Variants in ZHX2 observed in about 807,000 individuals in gnomAD.
ZHX2 encodes zinc fingers and homeoboxes 2.
In ZHX2, 6 loss-of-function variants were observed where a neutral mutation model predicts 21.9. The ratio of observed to expected loss-of-function variants is 0.27; its 90% CI spans 0.15 to 0.54. ZHX2 has a LOEUF of 0.54. Among genes scored for constraint, ZHX2 ranks in the 20% least tolerant of loss-of-function variants. The pLI, the probability that ZHX2 is intolerant of heterozygous loss-of-function variation, is 0.95. For missense variants in ZHX2, 908 were observed against 1,090.7 expected, an observed-to-expected ratio of 0.83 and a Z score of 2.36; for synonymous variants, 434 against 437.1, an observed-to-expected ratio of 0.99 and a Z score of 0.09.
intron 1 of ZHX2, among the ~76,000 whole-genome samples, chr8:122,804,725 C>A (rs577469711): frequency 9.2e-5 from 14 of 152,308 alleles, no homozygotes; most frequent in African/African-American, 3.4e-4. Context: ...CAACCCTGCA[C>A]CATTTCCCAG....
At chr8:122,938,946 C>A (rs2130193248) in intron 2 of ZHX2, among the ~76,000 whole-genome samples, 1 of 152,320 alleles carries the variant, frequency 6.6e-6, no homozygotes, top group East Asian at 1.9e-4. Context: ...ATATATTTGG[C>A]AGTTTAAGAT....
In ZHX2 at chr8:122,952,347, C is replaced by T. The variant is rs1461870932; in HGVS notation, c.837C>T (p.Asn279=). Residue 279 remains asparagine, a synonymous_variant, in exon 3 of 4, where the codon AAC becomes AAT. Coordinates refer to ENST00000314393, the MANE Select transcript of ZHX2 (RefSeq NM_014943.5). The surrounding 1 kb of genome is among the most constrained non-coding windows in gnomAD (Gnocchi z 6.9). ...SALDTNATMI[N]SFNKFPYPTQ... ...TGGATACAAATGCCACGATGATCAA[C>T]TCTTTCAACAAGTTTCCTTACCCGA... The T allele has an allele frequency of 6.2e-7, 1 of 1,614,210 alleles. No individual in the cohort carries two copies. The highest frequency in any genetic ancestry group is 8.5e-7 in the Non-Finnish European group (1 of 1,180,038).
intron 1 of ZHX2, among the ~76,000 whole-genome samples, chr8:122,815,967 C>T (rs1434467639): frequency 2.0e-5 from 3 of 150,954 alleles, no homozygotes; most frequent in African/African-American, 7.3e-5. Context: ...GCAGTCCCAG[C>T]TACTAGGGAG....
At chr8:122,942,153 T>G (rs114936286) in intron 2 of ZHX2, among the ~76,000 whole-genome samples, 3,557 of 151,022 alleles carry the variant, frequency 0.024, 52 homozygotes, top group Middle Eastern at 0.096. Context: ...AGCATCTAAT[T>G]CCTCCTGCCC....
At chr8:122,801,359 C>T (rs1369081536) in intron 1 of ZHX2, among the ~76,000 whole-genome samples, 1 of 152,140 alleles carries the variant, frequency 6.6e-6, no homozygotes, top group African/African-American at 2.4e-5. Flanking sequence ...TAAGTTAGGA[C>T]TTGACAACTG....
At chr8:122,808,379 G>A (rs902590930) in intron 1 of ZHX2, among the ~76,000 whole-genome samples, 3 of 152,146 alleles carry the variant, frequency 2.0e-5, no homozygotes, top group African/African-American at 7.2e-5. Flanking sequence ...AATCATGGGT[G>A]GAAGGGGAAG....
rs1271619828 is a variant in ZHX2 at position 122,952,152 on chromosome 8, G to C, written c.642G>C (p.Gly214=). The C allele has an allele frequency of 3.7e-6, 6 of 1,613,264 alleles. No individual in the cohort carries two copies. Among genetic ancestry groups the C allele is most frequent in the Non-Finnish European group, 5.1e-6 (6 of 1,179,896 alleles). The change falls in exon 3 of 4, where the codon GGG becomes GGC. Residue 214 remains glycine (G), a synonymous_variant. Coordinates refer to ENST00000314393, the MANE Select transcript of ZHX2 (RefSeq NM_014943.5). The surrounding 1 kb of genome is among the most constrained non-coding windows in gnomAD (Gnocchi z 6.9). ...EEITPENHVE[G]TARLVTDTAE... ...TCACCCCCGAGAACCACGTGGAAGG[G>C]ACCGCCCGCCTGGTGACAGACACAG...
chr8:122,805,683 A>G (rs1335617569), intron 1 of ZHX2, among the ~76,000 whole-genome samples: 2 of 152,204 alleles, frequency 1.3e-5, no homozygotes, highest in Non-Finnish European at 2.9e-5. Flanking sequence ...TCGTGGGTAG[A>G]TTGCCAGAGC....
chr8:122,895,262 A>G (rs931540428), intron 2 of ZHX2, among the ~76,000 whole-genome samples: 6 of 152,198 alleles, frequency 3.9e-5, no homozygotes, highest in African/African-American at 1.4e-4. Flanking sequence ...AGCATTGGCA[A>G]GGGCATTTGC....
chr8:122,954,797 T>G (rs1189835908), intron 3 of ZHX2, among the ~76,000 whole-genome samples: 9 of 152,160 alleles, frequency 5.9e-5, no homozygotes, highest in Admixed American at 5.9e-4. Context: ...TCCCTCTGTG[T>G]GTTTTGTGTT....
intron 3 of ZHX2, among the ~76,000 whole-genome samples, chr8:122,964,222 G>A (rs1409763444): frequency 3.9e-5 from 6 of 151,996 alleles, no homozygotes; most frequent in East Asian, 3.9e-4. Flanking sequence ...GTCTTGTTCC[G>A]GTTTTCAGGG....
Position 122,952,809 on chromosome 8 carries a change from G to T in ZHX2, c.1299G>T (p.Val433=). The part of the protein sequence containing the change: ...IAQVPEPPPK[V]ANPPLTPASD... ...AGGTGCCAGAGCCCCCACCCAAGGT[G>T]GCCAACCCCCCGCTCACACCAGCCA... The change falls in exon 3 of 4, where the codon GTG becomes GTT. Residue 433 remains valine (V), a synonymous_variant. Transcript: ENST00000314393. This position sits in a 1 kb window ranked among gnomAD's most constrained non-coding sequence, Gnocchi z 6.9. The T allele has an allele frequency of 6.2e-7, 1 of 1,614,014 alleles. No homozygotes were observed. The highest frequency in any genetic ancestry group is 8.5e-7 in the Non-Finnish European group (1 of 1,180,010).
At chr8:122,880,011 T>C (rs1172244651) in intron 2 of ZHX2, among the ~76,000 whole-genome samples, 1 of 151,002 alleles carries the variant, frequency 6.6e-6, no homozygotes. Flanking sequence ...CTCGCTCTGT[T>C]GTCCAGGCTA....
At chr8:122,887,822 G>A (rs987203199) in intron 2 of ZHX2, among the ~76,000 whole-genome samples, 4 of 151,570 alleles carry the variant, frequency 2.6e-5, no homozygotes, top group East Asian at 2.0e-4. Flanking sequence ...CCACCCTCGC[G>A]CCGCCCCCAC....
intron 2 of ZHX2, among the ~76,000 whole-genome samples, chr8:122,943,912 G>A (rs1812906619): frequency 6.6e-6 from 1 of 152,130 alleles, no homozygotes; most frequent in Admixed American, 6.5e-5. Flanking sequence ...TGGCATTCCA[G>A]GCTCTTCGCC....
chr8:122,811,586 G>A (rs1473309060), intron 1 of ZHX2, among the ~76,000 whole-genome samples: 1 of 152,124 alleles, frequency 6.6e-6, no homozygotes, highest in Non-Finnish European at 1.5e-5. Flanking sequence ...CTCTGATAGG[G>A]GCAGACAGAA....
chr8:122,811,154 T>G (rs146550563), intron 1 of ZHX2, among the ~76,000 whole-genome samples: 13,817 of 151,764 alleles, frequency 0.091, 930 homozygotes, highest in East Asian at 0.22. Flanking sequence ...CTGAGGTGGG[T>G]GGATTGCCTG....
chr8:122,807,610 G>A (rs1183072294), intron 1 of ZHX2: 1 of 152,262 alleles, frequency 6.6e-6, no homozygotes, highest in Non-Finnish European at 1.5e-5. Flanking sequence ...GTGAGACTGT[G>A]GTGGGTGGTG....
At chr8:122,853,724 C>T (rs531874589) in intron 1 of ZHX2, among the ~76,000 whole-genome samples, 4 of 152,192 alleles carry the variant, frequency 2.6e-5, no homozygotes, top group Admixed American at 1.3e-4. Flanking sequence ...GGACAAACAC[C>T]GCCTTCTCCA....
Sources: gnomAD v4.1 joint callset for allele counts (sites outside exome capture counted in the v4.1 genomes callset) on GRCh38, gnomAD v4.1.1 for gene constraint, Gnocchi (gnomAD v3.1) non-coding constraint, MANE v1.5 for transcripts, NCBI Gene and HGNC (gene_info 2026-07-23, HGNC 2026-07-21) for gene names.